The following VPS37B variants were observed in gnomAD, a reference collection of about 807,000 sequenced individuals.
The protein encoded by VPS37B is VPS37B subunit of ESCRT-I.
VPS37B carries 11 observed loss-of-function variants against 21.2 expected under a neutral mutation model. The ratio of observed to expected loss-of-function variants is 0.52; its 90% confidence interval spans 0.33 to 0.86. The LOEUF is 0.86. Ranked by LOEUF, VPS37B falls within the 40% of genes least tolerant of loss-of-function variation. The pLI is 0.03. For missense variants in VPS37B, 389 were observed against 374.8 expected, an observed-to-expected ratio of 1.04 and a Z score of -0.31; for synonymous variants, 175 against 159.6, an observed-to-expected ratio of 1.10 and a Z score of -0.73.
At position 122,865,585 on chromosome 12, in the gene VPS37B, A is replaced by C. The variant is rs952636284; in HGVS notation, c.*1531T>G. 7.3e-6 allele frequency: 1 copy of C among 136,150 alleles called. No individual in the cohort carries two copies. The highest frequency in any genetic ancestry group is 8.0e-5 in the Admixed American group (1 of 12,500). 8.4% of individuals were successfully genotyped at this position (136,150 alleles called of 1,614,324 possible). A position where few individuals can be genotyped will look rare whatever the true frequency, so the allele number is the denominator to read the frequency against. ...GCCCGCCTGACTGGCATGGCAGTGA[A>C]TCGTCCTGTACAGCTTCATTTCCTT... On this transcript the variant is annotated 3_prime_UTR_variant, in exon 4 of 4. Coordinates refer to ENST00000267202, the MANE Select transcript of VPS37B (RefSeq NM_024667.3).
intron 1 of VPS37B, chr12:122,882,189 CTTTTT>C (rs928587192): frequency 6.7e-6 from 1 of 148,962 alleles, no homozygotes; most frequent in Non-Finnish European, 1.5e-5. Context: ...ATGCTTGGTT[CTTTTT>C]TTTTTCTTTT....
chr12:122,895,970 C>T lies in VPS37B; in HGVS notation c.93G>A (p.Met31Ile). Residue 31 changes from methionine (M) to isoleucine (I), a missense_variant, in exon 1 of 4, where the codon ATG (methionine) becomes ATA (isoleucine). Met to Ile is a conservative substitution (Grantham distance 10, BLOSUM62 1). Coordinates refer to ENST00000267202, the MANE Select transcript of VPS37B (RefSeq NM_024667.3). ...GGCTCACCTCCTCCATCTTCTGCAC[C>T]ATCTCCGTCAGCTGGCCCTCGTCCT... ...LLEDEGQLTE[M>I]VQKMEETQNV... 6.2e-7 allele frequency: 1 copy of T among 1,610,374 alleles called. No individual in the cohort carries two copies. The highest frequency in any genetic ancestry group is 8.5e-7 in the Non-Finnish European group (1 of 1,178,532).
At chr12:122,892,025 GGTTTA>G (rs1281173415) in intron 1 of VPS37B, among the ~76,000 whole-genome samples, 4 of 152,102 alleles carry the variant, frequency 2.6e-5, no homozygotes, top group African/African-American at 9.7e-5. Context: ...CAAGAGGTCC[GGTTTA>G]GTTGCCTAAT....
At chr12:122,872,565 T>C in intron 1 of VPS37B, 2 of 985,404 alleles carry the variant, frequency 2.0e-6, no homozygotes, top group Non-Finnish European at 2.4e-6. Flanking sequence ...GGGTTTCTGG[T>C]AAGCAGTGGG....
Position 122,866,973 on chromosome 12 carries a change from G to T in VPS37B, c.*143C>A. 1 of 1,115,654 alleles carries T rather than the reference G, an allele frequency of 9.0e-7. No individual in the cohort carries two copies. The highest frequency in any genetic ancestry group is 1.2e-6 in the Non-Finnish European group (1 of 830,444). The allele number at this position is 1,115,654 out of a possible 1,614,324, so 69.1% of individuals were successfully genotyped here. Reference sequence around the variant, plus strand: ...GCCTGGGCTCCTACTACTCACCACTGACCTACAGTTCTAAAATCAGACAGA... The same window carrying T: ...GCCTGGGCTCCTACTACTCACCACTTACCTACAGTTCTAAAATCAGACAGA... On this transcript the variant is annotated 3_prime_UTR_variant, in exon 4 of 4. Transcript: ENST00000267202.
chr12:122,870,777 G>A (rs895285609), intron 2 of VPS37B, 113 bp downstream of exon 2: 12 of 1,096,910 alleles, frequency 1.1e-5, no homozygotes, highest in African/African-American at 9.5e-5. Context: ...CAGTAGAGTC[G>A]CTATCTTAAC....
chr12:122,876,239 TACTTTTA>T (rs1352248871), intron 1 of VPS37B: 13 of 152,226 alleles, frequency 8.5e-5, no homozygotes, highest in Admixed American at 7.9e-4. Context: ...TTCCACTTTC[TACTTTTA>T]ACTATCACAG....
In VPS37B at chr12:122,896,021, C is replaced by T; in HGVS notation, c.42G>A (p.Ser14=). 1.3e-6 allele frequency: 2 copies of T among 1,594,374 alleles called. No individual in the cohort carries two copies. Among genetic ancestry groups the T allele is most frequent in the Non-Finnish European group, 1.7e-6 (2 of 1,173,268 alleles). The change falls in exon 1 of 4, where the codon TCG becomes TCA. Residue 14 remains serine, a synonymous_variant. Transcript: ENST00000267202. ...AGSEARFAGL[S]LVQLNELLED... ...CCAGCAGCTCGTTGAGCTGCACCAG[C>T]GACAGCCCGGCGAACCGGGCTTCGC...
At chr12:122,870,764 T>G in intron 2 of VPS37B, 126 bp downstream of exon 2, 1 of 918,486 alleles carries the variant, frequency 1.1e-6, no homozygotes, top group Non-Finnish European at 1.7e-6. Context: ...TATTTGTTCA[T>G]TGCAGTAGAG....
chr12:122,892,715 C>G (rs2034434242), intron 1 of VPS37B, among the ~76,000 whole-genome samples: 1 of 152,116 alleles, frequency 6.6e-6, no homozygotes, highest in Admixed American at 6.6e-5. Context: ...GCCAGGAATT[C>G]AAGAGGCAAC....
chr12:122,868,327 ACACAGGC>A lies in VPS37B; in HGVS notation c.366+146_366+152del, dbSNP rs1158837301. On this transcript the variant is annotated intron_variant, in intron 3 of 3. Coordinates refer to ENST00000267202, the MANE Select transcript of VPS37B (RefSeq NM_024667.3). The surrounding 1 kb of genome is among the most constrained non-coding windows in gnomAD (Gnocchi z 5.5). ...ACCCCTGCCTGGCACTTTCCCCAGC[ACACAGGC>A]CAGGCTGCCTGCTGGTATACAGCCC... is the stretch of plus-strand genomic sequence containing the variant. 6.6e-6 allele frequency among the ~76,000 whole-genome samples: 1 copy of A among 152,168 alleles called. No individual in the cohort carries two copies. The highest frequency in any genetic ancestry group is 6.5e-5 in the Admixed American group (1 of 15,286).
chr12:122,895,874 T>C, intron 1 of VPS37B, 78 bp downstream of exon 1: 1 of 1,376,528 alleles, frequency 7.3e-7, no homozygotes, highest in Admixed American at 1.7e-5. Context: ...CGCGGTCGCC[T>C]CCGCCTCCGG....
intron 1 of VPS37B, 63 bp downstream of exon 1, chr12:122,895,889 C>G: frequency 1.3e-6 from 2 of 1,501,932 alleles, no homozygotes; most frequent in Non-Finnish European, 1.8e-6. Context: ...CTCCGGCCAC[C>G]GTTCGAGGAG....
At chr12:122,889,180 G>C (rs2034373355) in intron 1 of VPS37B, 1 of 152,716 alleles carries the variant, frequency 6.5e-6, no homozygotes, top group Non-Finnish European at 1.5e-5. Flanking sequence ...CTTACAAAAT[G>C]TGTGTCAAGT....
chr12:122,874,441 A>G (rs1246111502), intron 1 of VPS37B: 1 of 152,218 alleles, frequency 6.6e-6, no homozygotes, highest in African/African-American at 2.4e-5. Context: ...ATACAAATGC[A>G]TCTACAAACA....
At chr12:122,884,759 T>C (rs1468005669) in intron 1 of VPS37B, 1 of 152,196 alleles carries the variant, frequency 6.6e-6, no homozygotes. Context: ...AAGCATTCAT[T>C]TGTTTAGGAA....
chr12:122,867,912 T>G lies in VPS37B; in HGVS notation c.367-305A>C, dbSNP rs555265771. On this transcript the variant is annotated intron_variant, in intron 3 of 3. Coordinates refer to ENST00000267202, the MANE Select transcript of VPS37B (RefSeq NM_024667.3). This position sits in a 1 kb window ranked among gnomAD's most constrained non-coding sequence, Gnocchi z 5.5. The stretch of plus-strand genomic sequence containing the variant: ...GGTCCCAGGCCTCTCTCGAGCCCGC[T>G]GGAGTCCAACACCTCCTTGCTTCCA... 1.3e-5 allele frequency among the ~76,000 whole-genome samples: 2 copies of G among 152,058 alleles called. No individual in the cohort carries two copies. The highest frequency in any genetic ancestry group is 4.1e-4 in the South Asian group (2 of 4,826).
chr12:122,886,719 C>A (rs1349437661), intron 1 of VPS37B: 1 of 152,184 alleles, frequency 6.6e-6, no homozygotes, highest in Non-Finnish European at 1.5e-5. Flanking sequence ...AATCAAAAGG[C>A]CACAAAATGT....
Position 122,896,082 on chromosome 12 carries a change from T to G in VPS37B, c.-20A>C. On this transcript the variant is annotated 5_prime_UTR_variant, in exon 1 of 4. Transcript: ENST00000267202. ...CGCCATCCCCACGTCTCGGCCGTCGTCGCCACCGCCGCTGCGGCCACCAGG... is the reference window on the plus strand; with the variant it reads ...CGCCATCCCCACGTCTCGGCCGTCGGCGCCACCGCCGCTGCGGCCACCAGG... 1 of 1,554,930 alleles carries G rather than the reference T, an allele frequency of 6.4e-7. No individual in the cohort carries two copies. Among genetic ancestry groups the G allele is most frequent in the South Asian group, 1.1e-5 (1 of 87,280 alleles).
Sources: allele counts gnomAD v4.1 joint callset (sites outside exome capture counted in the v4.1 genomes callset), GRCh38; gene constraint gnomAD v4.1.1; non-coding constraint Gnocchi (gnomAD v3.1); transcripts MANE v1.5; gene names NCBI Gene and HGNC (gene_info 2026-07-23, HGNC 2026-07-21).